Variants in CSF2RB observed in about 807,000 individuals in gnomAD.
The protein encoded by CSF2RB is cytokine receptor common subunit beta.
Under a neutral mutation model 67.2 loss-of-function variants are expected in CSF2RB, and 22 were observed. The observed-to-expected ratio is 0.33, with a 90% CI of 0.23 to 0.47. The LOEUF (loss-of-function observed/expected upper bound fraction) is 0.47. CSF2RB is among the 20% of genes least tolerant of loss of function. CSF2RB has a pLI of 1.00. For synonymous variants in CSF2RB, 507 were observed against 482.9 expected, an observed-to-expected ratio of 1.05 and a Z score of -0.65; for missense variants, 1,113 against 1,174.5, an observed-to-expected ratio of 0.95 and a Z score of 0.76.
chr22:36,926,068 G>T lies in CSF2RB; in HGVS notation c.282G>T (p.Arg94Ser), dbSNP rs1413197287. 6.2e-7 allele frequency: 1 copy of T among 1,614,122 alleles called. No homozygotes were observed. The highest frequency in any genetic ancestry group is 8.5e-7 in the Non-Finnish European group (1 of 1,180,060). ...GCCCCCATCCCCGCTGCGTGCCCAG[G>T]AGATGTGTCATTCCCTGCCAGAGTT... ...SACPHPRCVP[R>S]RCVIPCQSFV... is the part of the protein sequence containing the mutation. Residue 94 changes from arginine to serine, a missense_variant, in exon 4 of 14, where the codon AGG (arginine) becomes AGT (serine). This residue lies in a region of CSF2RB where 559 missense variants were observed against 656.5 expected (regional missense o/e 0.85). Coordinates refer to ENST00000403662, the MANE Select transcript of CSF2RB (RefSeq NM_000395.3).
In CSF2RB at chr22:36,913,660, C is replaced by A. The variant is rs1940644565; in HGVS notation, c.-190C>A. On this transcript the variant is annotated 5_prime_UTR_variant, in exon 1 of 14. Coordinates refer to ENST00000403662, the MANE Select transcript of CSF2RB (RefSeq NM_000395.3). Reference sequence around the variant, plus strand: ...CTAGAGGCTCCAGAAGAAGACTGGTCTCTCCCACCACACAGAGGTATGGCC... The same window carrying A: ...CTAGAGGCTCCAGAAGAAGACTGGTATCTCCCACCACACAGAGGTATGGCC... The A allele has an allele frequency of 6.6e-6, 1 of 152,318 alleles. No homozygotes were observed. Among genetic ancestry groups the A allele is most frequent in the Non-Finnish European group, 1.5e-5 (1 of 68,158 alleles). 9.4% of individuals were successfully genotyped at this position (152,318 alleles called of 1,614,324 possible).
At chr22:36,935,079 C>T (rs916242119) in intron 10 of CSF2RB, among the ~76,000 whole-genome samples, 4 of 152,164 alleles carry the variant, frequency 2.6e-5, no homozygotes, top group African/African-American at 7.2e-5. Context: ...GGTTCTTGCC[C>T]TCCCTGTAGC....
At position 36,930,446 on chromosome 22, in the gene CSF2RB, G is replaced by T. The variant is rs772126395; in HGVS notation, c.790G>T (p.Val264Leu). 85 of 1,613,702 alleles carry T rather than the reference G, an allele frequency of 5.3e-5. No individual in the cohort carries two copies. The highest frequency in any genetic ancestry group is 1.7e-4 in the Middle Eastern group (1 of 5,766). The change falls in exon 7 of 14, where the codon GTG becomes TTG. Residue 264 changes from valine (V) to leucine (L), a missense_variant. Around this residue, in one of 2 missense-constraint regions of CSF2RB, gnomAD observed 559 missense variants for 656.5 expected, o/e 0.85. Coordinates refer to ENST00000403662, the MANE Select transcript of CSF2RB (RefSeq NM_000395.3). ...GAAVLSCSWE[V>L]RKEVASSVSF... ...CGCCGTGCTCAGCTGCTCCTGGGAGGTGAGGAAGGAGGTGGCCAGCTCGGT... is the reference window on the plus strand; with the variant it reads ...CGCCGTGCTCAGCTGCTCCTGGGAGTTGAGGAAGGAGGTGGCCAGCTCGGT...
In CSF2RB at chr22:36,936,608, C is replaced by G; in HGVS notation, c.1524C>G (p.Pro508=). ...TGTCGGCCTTCACTAGCGGGAGTCC[C>G]CCACACCAGGGGCCGTGGGGCAGCC... is the stretch of plus-strand genomic sequence containing the variant. The part of the protein sequence containing the change: ...GSMSAFTSGS[P]PHQGPWGSRF... Residue 508 remains proline (P), a synonymous_variant, in exon 13 of 14, where the codon CCC becomes CCG. Transcript: ENST00000403662. 6.2e-7 allele frequency: 1 copy of G among 1,613,676 alleles called. No homozygotes were observed. Among genetic ancestry groups the G allele is most frequent in the Non-Finnish European group, 8.5e-7 (1 of 1,180,000 alleles).
intron 6 of CSF2RB, 55 bp downstream of exon 6, chr22:36,929,862 G>C (rs528810741): frequency 6.3e-7 from 1 of 1,580,058 alleles, no homozygotes; most frequent in East Asian, 2.3e-5. Context: ...GGCTCATCAG[G>C]AGCTCCTGGC....
At position 36,938,948 on chromosome 22, in the gene CSF2RB, C is replaced by G. The variant is rs1410818336; in HGVS notation, c.*446C>G. ...TGAGGACTTGTGTGGGCTGCCTGTC[C>G]CCGGCAGTCGCTGATGCACATGACA... is the stretch of plus-strand genomic sequence containing the variant. On this transcript the variant is annotated 3_prime_UTR_variant, in exon 14 of 14. Transcript: ENST00000403662. The G allele has an allele frequency of 1.0e-5, 6 of 598,988 alleles. No individual in the cohort carries two copies. Among genetic ancestry groups the G allele is most frequent in the Non-Finnish European group, 1.8e-5 (6 of 335,188 alleles). 37.1% of individuals were successfully genotyped at this position (598,988 alleles called of 1,614,324 possible). A position where few individuals can be genotyped will look rare whatever the true frequency, so the allele number is the denominator to read the frequency against.
intron 1 of CSF2RB, among the ~76,000 whole-genome samples, chr22:36,914,576 G>A (rs1365913217): frequency 6.6e-6 from 1 of 152,098 alleles, no homozygotes; most frequent in Non-Finnish European, 1.5e-5. Context: ...GTGTGCAGGT[G>A]TGTGTACTGG....
Position 36,938,922 on chromosome 22 carries a change from T to C in CSF2RB, c.*420T>C. The C allele has an allele frequency of 1.7e-6, 1 of 592,334 alleles. No homozygotes were observed. The highest frequency in any genetic ancestry group is 3.0e-6 in the Non-Finnish European group (1 of 331,656). The allele number at this position is 592,334 out of a possible 1,614,324, so 36.7% of individuals were successfully genotyped here. On this transcript the variant is annotated 3_prime_UTR_variant, in exon 14 of 14. Coordinates refer to ENST00000403662, the MANE Select transcript of CSF2RB (RefSeq NM_000395.3). ...TCAGACTGAGATGCGGCTGGTTGTG[T>C]TGAGGACTTGTGTGGGCTGCCTGTC...
Position 36,938,132 on chromosome 22 carries a change from G to T in CSF2RB, c.2324G>T (p.Arg775Leu). The change falls in exon 14 of 14, where the codon CGG (arginine) becomes CTG (leucine). Residue 775 changes from arginine to leucine, a missense_variant. Arg to Leu is a moderately radical substitution (Grantham distance 102). This residue lies in a region of CSF2RB where 554 missense variants were observed against 517.9 expected (regional missense o/e 1.07). Transcript: ENST00000403662. The part of the protein sequence containing the change: ...GYVELPPIEG[R>L]SPRSPRNNPV... ...GTGGAGCTCCCTCCAATTGAGGGCC[G>T]GTCCCCCAGGTCACCAAGGAACAAT... 6.2e-7 allele frequency: 1 copy of T among 1,613,956 alleles called. No individual in the cohort carries two copies. Among genetic ancestry groups the T allele is most frequent in the Non-Finnish European group, 8.5e-7 (1 of 1,179,954 alleles).
chr22:36,929,136 G>C (rs573978402), intron 4 of CSF2RB, among the ~76,000 whole-genome samples: 1 of 152,308 alleles, frequency 6.6e-6, no homozygotes, highest in African/African-American at 2.4e-5. Context: ...AGGCTCCAAT[G>C]AGTTTCCTCG....
At chr22:36,927,098 C>T (rs1211170034) in intron 4 of CSF2RB, among the ~76,000 whole-genome samples, 5 of 152,196 alleles carry the variant, frequency 3.3e-5, no homozygotes, top group East Asian at 1.9e-4. Context: ...TCCTAACCAC[C>T]GAACCACCTG....
At chr22:36,929,339 T>C (rs952276881) in intron 4 of CSF2RB, 63 bp from the exon 5 acceptor site, 9 of 1,611,288 alleles carry the variant, frequency 5.6e-6, no homozygotes, top group East Asian at 2.2e-5. Context: ...CAAAAGGCCA[T>C]GCAGGCCCTG....
chr22:36,918,515 G>A (rs539619922), intron 1 of CSF2RB, among the ~76,000 whole-genome samples: 1 of 152,278 alleles, frequency 6.6e-6, no homozygotes, highest in South Asian at 2.1e-4. Flanking sequence ...AAGGAATCTT[G>A]GGAGTTAACC....
chr22:36,921,471 G>C (rs1940868727), intron 1 of CSF2RB, among the ~76,000 whole-genome samples: 1 of 152,052 alleles, frequency 6.6e-6, no homozygotes, highest in Non-Finnish European at 1.5e-5. Flanking sequence ...GTGCTTGTGT[G>C]TGTGTGTGTG....
chr22:36,935,372 C>T lies in CSF2RB; in HGVS notation c.1337C>T (p.Ala446Val). 2 of 1,614,186 alleles carry T rather than the reference C, an allele frequency of 1.2e-6. No individual in the cohort carries two copies. Among genetic ancestry groups the T allele is most frequent in the Admixed American group, 1.7e-5 (1 of 60,022 alleles). The change falls in exon 11 of 14, where the codon GCC becomes GTC. Residue 446 changes from alanine to valine, a missense_variant. Ala to Val is a moderately conservative substitution (Grantham distance 64). Around this residue, in one of 2 missense-constraint regions of CSF2RB, gnomAD observed 559 missense variants for 656.5 expected, o/e 0.85. Transcript: ENST00000403662. Reference sequence around the variant, plus strand: ...GAAGTGCTGCCTATGTGGGTGCTGGCCCTCATCGTGATCTTCCTCACCATC... The same window carrying T: ...GAAGTGCTGCCTATGTGGGTGCTGGTCCTCATCGTGATCTTCCTCACCATC... ...TESVLPMWVLALIVIFLTIAV... is the reference protein window; with the variant it reads ...TESVLPMWVLVLIVIFLTIAV...
rs1940697377 is a variant in CSF2RB, at chr22:36,915,432, A to G, written c.-173+1755A>G. 2.0e-5 allele frequency among the ~76,000 whole-genome samples: 3 copies of G among 149,712 alleles called. No individual in the cohort carries two copies. The South Asian group carries it at 6.3e-4, about 31-fold the overall frequency. ...ATGGGATTATTTTATTTATATATATATATATATATTCCTAATTTTTTCACT... is the reference window on the plus strand; with the variant it reads ...ATGGGATTATTTTATTTATATATATGTATATATATTCCTAATTTTTTCACT... On this transcript the variant is annotated intron_variant, in intron 1 of 13. Coordinates refer to ENST00000403662, the MANE Select transcript of CSF2RB (RefSeq NM_000395.3).
chr22:36,932,814 C>G lies in CSF2RB; in HGVS notation c.1062C>G (p.Tyr354Ter). The change falls in exon 9 of 14, where the codon TAC becomes TAG. Residue 354 changes from tyrosine (Y) to a stop codon, truncating the protein, a stop_gained. Transcript: ENST00000403662. LOFTEE classifies it high-confidence loss of function. ...ACGTGACCAAGGATGGAGACAGCTA[C>G]AGCCTGCGCTGGGAAACAATGAAAA... The part of the protein sequence containing the change: ...SLNVTKDGDS[Y>*]SLRWETMKMR... 1 of 1,614,100 alleles carries G rather than the reference C, an allele frequency of 6.2e-7. No homozygotes were observed. Among genetic ancestry groups the G allele is most frequent in the Non-Finnish European group, 8.5e-7 (1 of 1,180,030 alleles).
In CSF2RB at chr22:36,938,069, G is replaced by A. The variant is rs1330478847; in HGVS notation, c.2261G>A (p.Gly754Glu). ...CCTGGGCTGGCCAGTGGACCCCCTGGAGCCCCAGGCCCTGTGAAGTCAGGG... is the reference window on the plus strand; with the variant it reads ...CCTGGGCTGGCCAGTGGACCCCCTGAAGCCCCAGGCCCTGTGAAGTCAGGG... ...LCPGLASGPP[G>E]APGPVKSGFE... is the part of the protein sequence containing the mutation. The change falls in exon 14 of 14, where the codon GGA becomes GAA. Residue 754 changes from glycine to glutamate, a missense_variant. This residue lies in a region of CSF2RB where 554 missense variants were observed against 517.9 expected (regional missense o/e 1.07). Transcript: ENST00000403662. 2 of 1,614,088 alleles carry A rather than the reference G, an allele frequency of 1.2e-6. No homozygotes were observed. The highest frequency in any genetic ancestry group is 2.2e-5 in the South Asian group (2 of 91,076).
chr22:36,923,812 C>G, intron 3 of CSF2RB: 1 of 1,288,164 alleles, frequency 7.8e-7, no homozygotes, highest in Non-Finnish European at 1.0e-6. Context: ...AACTGAGGCC[C>G]TGGAGGTGAG....
Sources: gnomAD v4.1 joint callset for allele counts (sites outside exome capture counted in the v4.1 genomes callset) on GRCh38, gnomAD v4.1.1 for gene constraint, gnomAD v4.1.1 regional missense constraint, MANE v1.5 for transcripts, NCBI Gene and HGNC (gene_info 2026-07-23, HGNC 2026-07-21) for gene names.